MIS18A: variants seen among roughly 807,000 people sequenced by gnomAD.
MIS18A encodes protein Mis18-alpha.
In MIS18A, 14 loss-of-function variants were observed where a neutral mutation model predicts 25.0. The observed-to-expected ratio is 0.56, with a 90% confidence interval of 0.37 to 0.88. The LOEUF (loss-of-function observed/expected upper bound fraction) is 0.88. Ranked by LOEUF, MIS18A falls within the 40% of genes least tolerant of loss-of-function variation. The pLI is 0.00. For missense variants in MIS18A, 292 were observed against 290.8 expected, an observed-to-expected ratio of 1.00 and a Z score of -0.03; for synonymous variants, 134 against 118.6, an observed-to-expected ratio of 1.13 and a Z score of -0.84.
the MIS18A span, among the ~76,000 whole-genome samples, chr21:32,173,214 A>G: frequency 6.6e-6 from 1 of 152,212 alleles, no homozygotes; most frequent in South Asian, 2.1e-4. Context: ...GCTCAGTATC[A>G]CTAGTCATTA....
chr21:32,276,586 TAAG>T (rs1014049543), intron 1 of MIS18A, among the ~76,000 whole-genome samples: 3 of 151,918 alleles, frequency 2.0e-5, no homozygotes, highest in Non-Finnish European at 2.9e-5. Flanking sequence ...AAAAAGCTAT[TAAG>T]AAGCTTTTTT....
the MIS18A span, among the ~76,000 whole-genome samples, chr21:32,243,311 G>T: frequency 6.6e-6 from 1 of 152,044 alleles, no homozygotes; most frequent in African/African-American, 2.4e-5. Context: ...CAGACTGGGA[G>T]ATAATATTTT....
chr21:32,196,209 G>A, the MIS18A span, among the ~76,000 whole-genome samples: 10 of 152,030 alleles, frequency 6.6e-5, no homozygotes, highest in Admixed American at 5.2e-4. Flanking sequence ...GGTGGGCCTC[G>A]TCCAACCTGT....
chr21:32,214,065 A>G, the MIS18A span, among the ~76,000 whole-genome samples: 4 of 152,190 alleles, frequency 2.6e-5, no homozygotes, highest in East Asian at 7.7e-4. Flanking sequence ...AGGAAACCAG[A>G]GTAGACACTC....
At chr21:32,206,947 C>T in the MIS18A span, among the ~76,000 whole-genome samples, 279 of 152,316 alleles carry the variant, frequency 1.8e-3, 1 homozygote, top group African/African-American at 6.2e-3. Flanking sequence ...GTTTCACAAA[C>T]GCCAAACTGT....
At chr21:32,217,867 T>C in the MIS18A span, among the ~76,000 whole-genome samples, 5 of 151,932 alleles carry the variant, frequency 3.3e-5, no homozygotes. Context: ...AGCAAAACTA[T>C]CCTTAAACAT....
the MIS18A span, among the ~76,000 whole-genome samples, chr21:32,253,821 C>T: frequency 6.6e-6 from 1 of 152,038 alleles, no homozygotes; most frequent in Non-Finnish European, 1.5e-5. Flanking sequence ...AATTACTCAA[C>T]ATTCAATTGG....
At chr21:32,210,723 A>G in the MIS18A span, among the ~76,000 whole-genome samples, 4 of 152,138 alleles carry the variant, frequency 2.6e-5, no homozygotes, top group Non-Finnish European at 4.4e-5. Flanking sequence ...GGAGAAGACA[A>G]ATAGTGTAAC....
At chr21:32,186,494 G>A in the MIS18A span, among the ~76,000 whole-genome samples, 1 of 152,192 alleles carries the variant, frequency 6.6e-6, no homozygotes, top group Non-Finnish European at 1.5e-5. Flanking sequence ...CAGTGGGAAC[G>A]ATCTCCAAAC....
the MIS18A span, among the ~76,000 whole-genome samples, chr21:32,242,717 T>C: frequency 6.6e-6 from 1 of 152,176 alleles, no homozygotes; most frequent in Non-Finnish European, 1.5e-5. Flanking sequence ...GTGCTGGGCT[T>C]ATCAAAAAGA....
the MIS18A span, among the ~76,000 whole-genome samples, chr21:32,227,615 T>A: frequency 6.6e-6 from 1 of 152,150 alleles, no homozygotes; most frequent in Non-Finnish European, 1.5e-5. Flanking sequence ...ACTGGTGAAT[T>A]CTACCAAAAC....
At chr21:32,270,595 G>A in intron 2 of MIS18A, 66 bp from the exon 3 acceptor site, 2 of 1,450,564 alleles carry the variant, frequency 1.4e-6, no homozygotes, top group Non-Finnish European at 1.8e-6. Context: ...AAATCTCACT[G>A]TTAAAATCCA....
the MIS18A span, among the ~76,000 whole-genome samples, chr21:32,231,257 A>C: frequency 6.6e-6 from 1 of 151,948 alleles, no homozygotes; most frequent in South Asian, 2.1e-4. Flanking sequence ...AAAAAAGACA[A>C]CCCACAAAAT....
At chr21:32,266,560 T>C (rs980595786), downstream of MIS18A, among the ~76,000 whole-genome samples, 1 of 150,868 alleles carries the variant, frequency 6.6e-6, no homozygotes, top group Non-Finnish European at 1.5e-5. Flanking sequence ...GTGAGACCAC[T>C]AGCCCACCGG....
At chr21:32,158,093 C>A in the MIS18A span, among the ~76,000 whole-genome samples, 1 of 152,012 alleles carries the variant, frequency 6.6e-6, no homozygotes, top group Non-Finnish European at 1.5e-5. Flanking sequence ...GATTTGGTAG[C>A]GAAATATCAC....
the MIS18A span, among the ~76,000 whole-genome samples, chr21:32,209,155 GAA>G: frequency 1.3e-5 from 2 of 148,260 alleles, no homozygotes; most frequent in African/African-American, 2.5e-5. Context: ...AATAAATTCT[GAA>G]AAAAAAAAAT....
chr21:32,230,613 A>T, the MIS18A span, among the ~76,000 whole-genome samples: 3 of 152,214 alleles, frequency 2.0e-5, no homozygotes, highest in Non-Finnish European at 4.4e-5. Context: ...ATTTTCAACA[A>T]GGGAGCCAAA....
At chr21:32,237,541 TG>T in the MIS18A span, among the ~76,000 whole-genome samples, 1 of 152,236 alleles carries the variant, frequency 6.6e-6, no homozygotes, top group African/African-American at 2.4e-5. Flanking sequence ...AAGCTTCATT[TG>T]GAGTTGATAA....
At chr21:32,167,592 T>A in the MIS18A span, among the ~76,000 whole-genome samples, 7 of 151,688 alleles carry the variant, frequency 4.6e-5, no homozygotes, top group African/African-American at 1.2e-4. Context: ...GAGAGCAAAA[T>A]GAATAAAAAA....
Sources: gnomAD v4.1 joint callset for allele counts (sites outside exome capture counted in the v4.1 genomes callset) on GRCh38, gnomAD v4.1.1 for gene constraint, MANE v1.5 for transcripts, NCBI Gene and HGNC (gene_info 2026-07-23, HGNC 2026-07-21) for gene names.